Variants in RPRD1A observed in about 807,000 individuals in gnomAD.
The protein encoded by RPRD1A is regulation of nuclear pre-mRNA domain-containing protein 1A.
RPRD1A carries 9 observed loss-of-function variants against 37.8 expected under a neutral mutation model. The ratio of observed to expected loss-of-function variants is 0.24; its 90% CI spans 0.14 to 0.42. The LOEUF (loss-of-function observed/expected upper bound fraction) is 0.42. RPRD1A is among the 10% of genes least tolerant of loss of function. The pLI, the probability that RPRD1A is intolerant of heterozygous loss-of-function variation, is 1.00. For missense variants in RPRD1A, 255 were observed against 371.0 expected, an observed-to-expected ratio of 0.69 and a Z score of 2.57; for synonymous variants, 138 against 139.7, an observed-to-expected ratio of 0.99 and a Z score of 0.08.
At chr18:35,995,351 C>G (rs1239820132) in intron 6 of RPRD1A, among the ~76,000 whole-genome samples, 2 of 149,950 alleles carry the variant, frequency 1.3e-5, no homozygotes, top group African/African-American at 4.9e-5. Flanking sequence ...ACAACCTTCA[C>G]CTCCTGGGTT....
chr18:35,998,081 G>A (rs1221633021), intron 6 of RPRD1A, among the ~76,000 whole-genome samples: 1 of 152,202 alleles, frequency 6.6e-6, no homozygotes, highest in Admixed American at 6.5e-5. Context: ...AACTAGGGCT[G>A]GGCGCAGTGG....
chr18:36,029,241 G>A (rs1306878141), intron 4 of RPRD1A, among the ~76,000 whole-genome samples: 2 of 152,158 alleles, frequency 1.3e-5, no homozygotes, highest in Non-Finnish European at 2.9e-5. Context: ...TAAATCCACA[G>A]TTACAGGTAG....
intron 1 of RPRD1A, among the ~76,000 whole-genome samples, chr18:36,056,311 G>A (rs1913764563): frequency 6.6e-6 from 1 of 151,604 alleles, no homozygotes; most frequent in African/African-American, 2.4e-5. Context: ...TTTTGAGATG[G>A]GAGTCTTGCT....
At chr18:36,005,689 A>G (rs1201392519) in intron 6 of RPRD1A, among the ~76,000 whole-genome samples, 2 of 152,208 alleles carry the variant, frequency 1.3e-5, no homozygotes, top group African/African-American at 2.4e-5. Context: ...AATGGCCTTG[A>G]TAGTATACAA....
intron 1 of RPRD1A, among the ~76,000 whole-genome samples, chr18:36,066,948 A>C (rs1391921580): frequency 2.0e-5 from 3 of 152,200 alleles, no homozygotes; most frequent in African/African-American, 4.8e-5. Flanking sequence ...CATTCACAGA[A>C]TGAAAAAAAT....
intron 6 of RPRD1A, chr18:36,026,614 A>G (rs1598626934): frequency 7.7e-6 from 2 of 260,486 alleles, no homozygotes; most frequent in South Asian, 1.5e-4. Context: ...TCTGTGATAC[A>G]TTAGGGTTAA....
intron 1 of RPRD1A, among the ~76,000 whole-genome samples, chr18:36,063,719 G>A (rs557049209): frequency 1.1e-4 from 16 of 152,320 alleles, no homozygotes; most frequent in Admixed American, 1.0e-3. Context: ...TTAAACTACA[G>A]GAGATGAGAA....
intron 1 of RPRD1A, among the ~76,000 whole-genome samples, chr18:36,046,296 C>CA (rs1322179399): frequency 3.3e-5 from 5 of 152,162 alleles, no homozygotes; most frequent in Admixed American, 3.3e-4. Context: ...CCTAGACTTC[C>CA]AATCCCACTC....
At chr18:36,027,118 A>G in intron 5 of RPRD1A, 43 bp from the exon 6 acceptor site, 1 of 1,611,894 alleles carries the variant, frequency 6.2e-7, no homozygotes, top group African/African-American at 1.3e-5. Flanking sequence ...CAACAAAAAC[A>G]ATGACATATG....
At position 36,040,970 on chromosome 18, in the gene RPRD1A, T is replaced by G. The variant is rs541543117; in HGVS notation, c.152-7133A>C. On this transcript the variant is annotated intron_variant, in intron 1 of 6. Coordinates refer to ENST00000399022, the MANE Select transcript of RPRD1A (RefSeq NM_018170.5). ...AATGAACTACAAACACTGCTCAATT[T>G]CAGGTGGAAAAAAAGAATTCCCCAT... The G allele has an allele frequency of 4.9e-6, 3 of 616,934 alleles. No individual in the cohort carries two copies. The Admixed American group carries it at 1.1e-4, about 23-fold the overall frequency. The allele number at this position is 616,934 out of a possible 1,614,324, so 38.2% of individuals were successfully genotyped here.
rs1911732757 is a variant in RPRD1A at position 36,030,893 on chromosome 18, T to G, written c.401A>C (p.Lys134Thr). ...QLKQALYGDKKPRKRTYEQIK... is the reference protein window; with the variant it reads ...QLKQALYGDKTPRKRTYEQIK... ...CTGTTCATAAGTTCGCTTCCTAGGC[T>G]TCTTATCACCATCTGAAATGAAAGA... is the stretch of plus-strand genomic sequence containing the variant. Residue 134 changes from lysine (K) to threonine (T), a missense_variant, in exon 4 of 7, where the codon AAG (lysine) becomes ACG (threonine). Physicochemically the swap from Lys to Thr is moderately conservative, Grantham distance 78. This residue lies in a region of RPRD1A where 211 missense variants were observed against 268.9 expected (regional missense o/e 0.78). Coordinates refer to ENST00000399022, the MANE Select transcript of RPRD1A (RefSeq NM_018170.5). The G allele has an allele frequency of 6.2e-7, 1 of 1,611,708 alleles. No individual in the cohort carries two copies. The highest frequency in any genetic ancestry group is 1.3e-5 in the African/African-American group (1 of 74,966).
intron 1 of RPRD1A, among the ~76,000 whole-genome samples, chr18:36,050,247 A>T (rs1040556715): frequency 1.4e-5 from 2 of 141,788 alleles, no homozygotes; most frequent in Admixed American, 7.0e-5. Flanking sequence ...ACATATTTAT[A>T]AAAAAAAAAA....
intron 6 of RPRD1A, among the ~76,000 whole-genome samples, chr18:36,010,580 T>C (rs1435792175): frequency 6.6e-6 from 1 of 152,172 alleles, no homozygotes; most frequent in Non-Finnish European, 1.5e-5. Context: ...ATGTCTTTTG[T>C]TTTCTCTACA....
At chr18:36,037,756 T>C (rs1012686071) in intron 1 of RPRD1A, among the ~76,000 whole-genome samples, 4 of 152,094 alleles carry the variant, frequency 2.6e-5, no homozygotes, top group African/African-American at 9.7e-5. Context: ...GACAATGAAG[T>C]CCAGGCTGAA....
intron 4 of RPRD1A, chr18:36,027,665 C>G (rs1911469352): frequency 1.1e-5 from 2 of 175,764 alleles, no homozygotes; most frequent in African/African-American, 4.7e-5. Context: ...CTAGAGAATA[C>G]AAGTTTTATG....
At chr18:36,010,023 A>G (rs752385789) in intron 6 of RPRD1A, among the ~76,000 whole-genome samples, 1 of 152,246 alleles carries the variant, frequency 6.6e-6, no homozygotes, top group African/African-American at 2.4e-5. Context: ...TATGTAAGAT[A>G]TATTTACATA....
intron 6 of RPRD1A, chr18:36,025,150 T>A (rs1453670558): frequency 6.6e-6 from 1 of 152,478 alleles, no homozygotes. Context: ...GCAATGTGTC[T>A]TTTTGATGAA....
Position 36,019,264 on chromosome 18 carries a change from C to T in RPRD1A, c.789+7636G>A, listed in dbSNP as rs557030683. Reference sequence around the variant, plus strand: ...CCGGGACTACAGGAGCCCACCACCACGCCTGGCTAATTTTTTATATTTTTA... The same window carrying T: ...CCGGGACTACAGGAGCCCACCACCATGCCTGGCTAATTTTTTATATTTTTA... On this transcript the variant is annotated intron_variant, in intron 6 of 6. Transcript: ENST00000399022. Among the ~76,000 whole-genome samples the T allele has an allele frequency of 1.3e-4, 20 of 152,140 alleles. No homozygotes were observed. The East Asian group carries it at 1.9e-3, about 15-fold the overall frequency.
At chr18:36,012,020 T>A (rs555609820) in intron 6 of RPRD1A, among the ~76,000 whole-genome samples, 1 of 152,308 alleles carries the variant, frequency 6.6e-6, no homozygotes, top group East Asian at 1.9e-4. Context: ...ACAAAAATCA[T>A]CCCTTAATCC....
Sources: gnomAD v4.1 joint callset for allele counts (sites outside exome capture counted in the v4.1 genomes callset) on GRCh38, gnomAD v4.1.1 for gene constraint, gnomAD v4.1.1 regional missense constraint, MANE v1.5 for transcripts, NCBI Gene and HGNC (gene_info 2026-07-23, HGNC 2026-07-21) for gene names.